GRID2: variants seen among roughly 807,000 people sequenced by gnomAD.
GRID2 encodes glutamate receptor ionotropic, delta-2.
Under a neutral mutation model 114.8 loss-of-function variants are expected in GRID2, and 33 were observed. That is an observed-to-expected ratio of 0.29 (90% CI 0.22 to 0.38). GRID2 has a LOEUF of 0.38. Among genes scored for constraint, GRID2 ranks in the 10% least tolerant of loss-of-function variants. The pLI is 1.00. For missense variants in GRID2, 1,184 were observed against 1,257.7 expected (o/e 0.94, Z 0.89); for synonymous variants, 505 against 449.9 (o/e 1.12, Z -1.55).
rs200889267 is a variant in GRID2 at position 93,395,676 on chromosome 4, C to A, written c.1315C>A (p.Arg439Ser). The change falls in exon 9 of 16, where the codon CGT becomes AGT. Residue 439 changes from arginine (R) to serine (S), a missense_variant. Physicochemically the swap from Arg to Ser is moderately radical, Grantham distance 110. Coordinates refer to ENST00000282020, the MANE Select transcript of GRID2 (RefSeq NM_001510.4). ...LTDKKLENNM[R>S]GVVLRVVTVL... is the part of the protein sequence containing the mutation. The stretch of plus-strand genomic sequence containing the variant: ...TGACAAGAAATTGGAGAATAACATG[C>A]GTGGAGTGGTTCTACGTGTAGTAAC... 5 of 1,570,152 alleles carry A rather than the reference C, an allele frequency of 3.2e-6. No homozygotes were observed. Among genetic ancestry groups the A allele is most frequent in the East Asian group, 4.5e-5 (2 of 44,638 alleles).
chr4:92,426,530 A>G (rs1351257438), intron 1 of GRID2, among the ~76,000 whole-genome samples: 2 of 152,150 alleles, frequency 1.3e-5, no homozygotes, highest in Non-Finnish European at 2.9e-5. Flanking sequence ...TGCAACCTTC[A>G]GATACACAGA....
At chr4:93,193,256 C>G (rs1014221648) in intron 4 of GRID2, among the ~76,000 whole-genome samples, 7 of 151,998 alleles carry the variant, frequency 4.6e-5, no homozygotes, top group Non-Finnish European at 4.4e-5. Flanking sequence ...TGAAGGAGAC[C>G]GAGGGATCAT....
At chr4:92,471,412 GGTAA>G (rs1285275761) in intron 1 of GRID2, among the ~76,000 whole-genome samples, 1 of 151,790 alleles carries the variant, frequency 6.6e-6, no homozygotes, top group East Asian at 1.9e-4. Context: ...TTAGACTGTT[GGTAA>G]GTAAGTCATT....
chr4:93,769,090 A>G (rs778815873), intron 14 of GRID2, 120 bp from the exon 15 acceptor site: 14 of 874,596 alleles, frequency 1.6e-5, no homozygotes, highest in Non-Finnish European at 2.4e-5. Context: ...AAGCAGATCT[A>G]TATATTCATT....
chr4:93,679,187 T>G (rs1164362102), intron 14 of GRID2, among the ~76,000 whole-genome samples: 2 of 151,050 alleles, frequency 1.3e-5, no homozygotes, highest in Admixed American at 6.6e-5. Flanking sequence ...AAGAAGGCCA[T>G]TGCATAATGG....
intron 2 of GRID2, among the ~76,000 whole-genome samples, chr4:92,795,799 C>A (rs1399782170): frequency 6.6e-6 from 1 of 151,936 alleles, no homozygotes; most frequent in Non-Finnish European, 1.5e-5. Flanking sequence ...GGAACGGGTT[C>A]AAAAGCACTC....
chr4:92,977,108 C>T (rs1753928143), intron 2 of GRID2, among the ~76,000 whole-genome samples: 1 of 151,976 alleles, frequency 6.6e-6, no homozygotes, highest in Admixed American at 6.6e-5. Flanking sequence ...TCTATTATTA[C>T]AAGAATCAGA....
In GRID2 at chr4:92,967,483, T is replaced by G. The variant is rs114468006; in HGVS notation, c.245-117512T>G. Reference sequence around the variant, plus strand: ...TCTTAGCTCTGTAGCTTTTATTTATTTATATGTGTCATTTTTTTAAAAAAA... The same window carrying G: ...TCTTAGCTCTGTAGCTTTTATTTATGTATATGTGTCATTTTTTTAAAAAAA... On this transcript the variant is annotated intron_variant, in intron 2 of 15. Coordinates refer to ENST00000282020, the MANE Select transcript of GRID2 (RefSeq NM_001510.4). Among the ~76,000 whole-genome samples the G allele has an allele frequency of 8.2e-3, 1,247 of 152,048 alleles. 7 individuals carry two copies. The highest frequency in any genetic ancestry group is 0.013 in the Non-Finnish European group (864 of 67,924).
intron 4 of GRID2, 119 bp from the exon 5 acceptor site, chr4:93,207,285 G>A: frequency 1.8e-6 from 1 of 571,378 alleles, no homozygotes. Flanking sequence ...CTTCAATTGA[G>A]TAACAAAGAC....
chr4:93,129,354 TG>T (rs1257646028), intron 4 of GRID2, among the ~76,000 whole-genome samples: 1 of 152,032 alleles, frequency 6.6e-6, no homozygotes, highest in Admixed American at 6.6e-5. Flanking sequence ...CTGTTTTTTT[TG>T]TTTGTTTGTT....
chr4:93,326,969 G>A (rs538028689), intron 8 of GRID2, among the ~76,000 whole-genome samples: 23 of 152,158 alleles, frequency 1.5e-4, no homozygotes, highest in Non-Finnish European at 3.4e-4. Flanking sequence ...TATGTCTTAA[G>A]GACATTTTTT....
intron 1 of GRID2, among the ~76,000 whole-genome samples, chr4:92,389,942 G>T (rs978890824): frequency 6.6e-6 from 1 of 152,060 alleles, no homozygotes; most frequent in Admixed American, 6.6e-5. Context: ...TATTAAATAT[G>T]TTGAATATGT....
chr4:92,997,896 A>C (rs72665232), intron 2 of GRID2, among the ~76,000 whole-genome samples: 126 of 152,248 alleles, frequency 8.3e-4, no homozygotes, highest in Non-Finnish European at 1.3e-3. Flanking sequence ...ACAGCAAAAC[A>C]TAATGAAATG....
chr4:93,780,203 T>G (rs732020), intron 1 of GRID2, among the ~76,000 whole-genome samples: 62,267 of 151,946 alleles, frequency 0.41, 13,262 homozygotes, highest in East Asian at 0.76. Flanking sequence ...AGTAAGGTGG[T>G]CAAAGGACGC....
At chr4:92,927,202 A>G (rs1307385361) in intron 2 of GRID2, among the ~76,000 whole-genome samples, 3 of 151,884 alleles carry the variant, frequency 2.0e-5, no homozygotes, top group Non-Finnish European at 4.4e-5. Context: ...TATTTTCTAC[A>G]GTTAAAGAGA....
chr4:92,406,245 A>G (rs1434959110), intron 1 of GRID2, among the ~76,000 whole-genome samples: 2 of 152,212 alleles, frequency 1.3e-5, no homozygotes, highest in Admixed American at 1.3e-4. Flanking sequence ...GACACTCCAT[A>G]TTAACCATCA....
At chr4:93,409,244 C>A (rs973731255) in intron 9 of GRID2, among the ~76,000 whole-genome samples, 5 of 152,016 alleles carry the variant, frequency 3.3e-5, no homozygotes, top group Non-Finnish European at 7.4e-5. Flanking sequence ...AATAATGAGT[C>A]GTTTCCTGAA....
At chr4:93,748,370 G>A (rs1732027790) in intron 14 of GRID2, among the ~76,000 whole-genome samples, 1 of 152,072 alleles carries the variant, frequency 6.6e-6, no homozygotes, top group Non-Finnish European at 1.5e-5. Flanking sequence ...AGTTACCCCA[G>A]TAGACAGTAA....
At chr4:93,495,718 G>A (rs573558476) in intron 12 of GRID2, among the ~76,000 whole-genome samples, 12 of 151,804 alleles carry the variant, frequency 7.9e-5, no homozygotes, top group African/African-American at 1.9e-4. Flanking sequence ...TACTTGATAC[G>A]AATATGTCTC....
Sources: allele counts gnomAD v4.1 joint callset (sites outside exome capture counted in the v4.1 genomes callset), GRCh38; gene constraint gnomAD v4.1.1; transcripts MANE v1.5; gene names NCBI Gene and HGNC (gene_info 2026-07-23, HGNC 2026-07-21).